KAT6A: variants seen among roughly 807,000 people sequenced by gnomAD.
KAT6A encodes the protein lysine acetyltransferase 6A, also known as histone acetyltransferase KAT6A.
Under a neutral mutation model 198.4 loss-of-function variants are expected in KAT6A, and 9 were observed. The observed-to-expected ratio is 0.05, with a 90% CI of 0.03 to 0.08. The LOEUF (loss-of-function observed/expected upper bound fraction) is 0.08, where lower values mean the gene tolerates loss of function less well. KAT6A is among the 10% of genes least tolerant of loss of function. The pLI is 1.00. For missense variants in KAT6A, 2,077 were observed against 2,509.9 expected (o/e 0.83, Z 3.69); for synonymous variants, 890 against 883.0 (o/e 1.01, Z -0.14).
chr8:41,992,531 T>A (rs139429467), intron 2 of KAT6A, among the ~76,000 whole-genome samples: 2 of 152,300 alleles, frequency 1.3e-5, no homozygotes, highest in East Asian at 3.9e-4. Context: ...CACTACACCA[T>A]CTTTTATAAA....
At chr8:41,983,577 G>A (rs746774693) in intron 3 of KAT6A, among the ~76,000 whole-genome samples, 3 of 152,002 alleles carry the variant, frequency 2.0e-5, no homozygotes, top group African/African-American at 4.8e-5. Flanking sequence ...CTGAGACTAC[G>A]GAACACTAAA....
In KAT6A at chr8:41,942,985, G is replaced by A; in HGVS notation, c.2244C>T (p.Arg748=). Residue 748 remains arginine, a synonymous_variant, in exon 14 of 17, where the codon CGC becomes CGT. Transcript: ENST00000265713. ...TGTGATCCTGGATAAGTTTTTCCCG[G>A]CGGATAATCACAAATCTGGAACCAG... is the stretch of plus-strand genomic sequence containing the variant. ...DFRSDQFVII[R]REKLIQDHMA... The A allele has an allele frequency of 1.2e-6, 2 of 1,614,036 alleles. No homozygotes were observed. Among genetic ancestry groups the A allele is most frequent in the Non-Finnish European group, 8.5e-7 (1 of 1,179,982 alleles).
chr8:42,026,597 T>C (rs1826826461), intron 2 of KAT6A, among the ~76,000 whole-genome samples: 1 of 152,184 alleles, frequency 6.6e-6, no homozygotes, highest in Non-Finnish European at 1.5e-5. Flanking sequence ...CACTACTGAT[T>C]TTTGTATGTT....
rs531938648 is a variant in KAT6A at position 41,931,702 on chromosome 8, G to C, written c.*503C>G. 1.6e-5 allele frequency: 3 copies of C among 190,592 alleles called. No homozygotes were observed. The East Asian group carries it at 2.5e-4, about 16-fold the overall frequency. The allele number at this position is 190,592 out of a possible 1,614,324, so 11.8% of individuals were successfully genotyped here. ...TGGGTTGTTCTCCATGTCCCCATCC[G>C]AGTCTCCCCTAAGTGCCTCCTGCTG... On this transcript the variant is annotated 3_prime_UTR_variant, in exon 17 of 17. Transcript: ENST00000265713.
chr8:42,045,817 C>CAAA (rs747713066), intron 2 of KAT6A, among the ~76,000 whole-genome samples: 2 of 63,262 alleles, frequency 3.2e-5, no homozygotes, highest in African/African-American at 6.1e-5. Context: ...ACTAAAAATA[C>CAAA]AAAAAAAAAA....
chr8:41,959,076 G>A (rs1394002805), intron 8 of KAT6A, among the ~76,000 whole-genome samples: 1 of 151,718 alleles, frequency 6.6e-6, no homozygotes, highest in Non-Finnish European at 1.5e-5. Context: ...CAGGAGAATG[G>A]GGTGAACCCA....
chr8:42,011,139 C>G (rs1156519671), intron 2 of KAT6A, among the ~76,000 whole-genome samples: 1 of 152,130 alleles, frequency 6.6e-6, no homozygotes, highest in Non-Finnish European at 1.5e-5. Context: ...ACTTGCAACC[C>G]CAGACCTAAC....
chr8:41,978,594 G>A (rs1323074704), intron 6 of KAT6A, 48 bp downstream of exon 6: 1 of 1,595,212 alleles, frequency 6.3e-7, no homozygotes, highest in African/African-American at 1.4e-5. Context: ...ACACTATAGA[G>A]AAGACCCTAT....
intron 2 of KAT6A, among the ~76,000 whole-genome samples, chr8:42,030,156 G>A (rs1016843289): frequency 5.3e-5 from 8 of 152,256 alleles, no homozygotes; most frequent in South Asian, 2.1e-4. Flanking sequence ...CAGCTCATTG[G>A]GTCTCGGACA....
chr8:42,019,589 C>A (rs1297799567), intron 2 of KAT6A, among the ~76,000 whole-genome samples: 1 of 152,122 alleles, frequency 6.6e-6, no homozygotes, highest in East Asian at 1.9e-4. Context: ...AACTACTCTG[C>A]CAAATTCACA....
intron 1 of KAT6A, among the ~76,000 whole-genome samples, chr8:42,050,744 G>GT (rs1276298464): frequency 1.3e-5 from 2 of 152,140 alleles, no homozygotes; most frequent in Non-Finnish European, 2.9e-5. Flanking sequence ...TACATCCTGA[G>GT]TTTAACAAGC....
chr8:41,960,843 GGT>G (rs1306235757), intron 8 of KAT6A, among the ~76,000 whole-genome samples: 1 of 152,074 alleles, frequency 6.6e-6, no homozygotes, highest in African/African-American at 2.4e-5. Flanking sequence ...TAGATTCTAA[GGT>G]CTTTTTCCCT....
At chr8:42,010,062 G>C (rs1263678098) in intron 2 of KAT6A, among the ~76,000 whole-genome samples, 4 of 152,086 alleles carry the variant, frequency 2.6e-5, no homozygotes, top group African/African-American at 9.7e-5. Context: ...ACTTTGGGAG[G>C]CCAAGGCAGA....
At chr8:41,990,757 G>T (rs112771325) in intron 2 of KAT6A, among the ~76,000 whole-genome samples, 1 of 152,128 alleles carries the variant, frequency 6.6e-6, no homozygotes, top group East Asian at 1.9e-4. Flanking sequence ...ACTTTGGCAG[G>T]CCAAGGCGGG....
intron 16 of KAT6A, among the ~76,000 whole-genome samples, 196 bp from the exon 17 acceptor site, chr8:41,935,063 T>C (rs1020638030): frequency 1.8e-4 from 27 of 152,326 alleles, no homozygotes; most frequent in Middle Eastern, 3.4e-3. Context: ...ACACAGTGAA[T>C]TGGCAGAACT....
At chr8:41,953,537 G>A (rs142772648) in intron 9 of KAT6A, among the ~76,000 whole-genome samples, 226 of 152,274 alleles carry the variant, frequency 1.5e-3, no homozygotes, top group African/African-American at 5.2e-3. Flanking sequence ...GCAATGGCGC[G>A]ATCTCAGTTC....
chr8:42,046,095 G>C (rs1412932660), intron 2 of KAT6A, among the ~76,000 whole-genome samples: 1 of 152,174 alleles, frequency 6.6e-6, no homozygotes, highest in Admixed American at 6.5e-5. Context: ...CCTTCCAAAA[G>C]TAAAATCTCA....
At chr8:42,011,575 T>C (rs1228213870) in intron 2 of KAT6A, among the ~76,000 whole-genome samples, 3 of 152,068 alleles carry the variant, frequency 2.0e-5, no homozygotes, top group Non-Finnish European at 4.4e-5. Flanking sequence ...CCGTCTCTAC[T>C]AAAAACACAG....
intron 2 of KAT6A, among the ~76,000 whole-genome samples, chr8:42,037,929 G>A (rs979536013): frequency 6.6e-6 from 1 of 152,034 alleles, no homozygotes; most frequent in African/African-American, 2.4e-5. Context: ...TGCTGTCTGC[G>A]GTCTTCCCCA....
Sources: allele counts gnomAD v4.1 joint callset (sites outside exome capture counted in the v4.1 genomes callset), GRCh38; gene constraint gnomAD v4.1.1; transcripts MANE v1.5; gene names NCBI Gene and HGNC (gene_info 2026-07-23, HGNC 2026-07-21).